SLC12A8: variants seen among roughly 807,000 people sequenced by gnomAD.
The protein encoded by SLC12A8 is cation-chloride cotransporter 9.
SLC12A8 carries 69 observed loss-of-function variants against 75.6 expected under a neutral mutation model. The observed-to-expected ratio is 0.91, with a 90% CI of 0.75 to 1.11. SLC12A8 has a LOEUF of 1.11. SLC12A8 is among the 50% of genes most tolerant of loss of function. The probability of loss-of-function intolerance (pLI) is 0.00; values close to 1 mark genes in which losing one functional copy is unlikely to be tolerated. For synonymous variants in SLC12A8, 365 were observed against 372.8 expected (o/e 0.98, Z 0.24); for missense variants, 877 against 896.7 (o/e 0.98, Z 0.28).
intron 10 of SLC12A8, among the ~76,000 whole-genome samples, chr3:125,100,446 T>C (rs1049455858): frequency 6.6e-6 from 1 of 151,740 alleles, no homozygotes; most frequent in African/African-American, 2.4e-5. Context: ...TCACTCTTAT[T>C]GCCCAGGCTG....
chr3:125,121,552 A>G (rs908734163), intron 6 of SLC12A8, among the ~76,000 whole-genome samples: 10 of 152,206 alleles, frequency 6.6e-5, no homozygotes, highest in Non-Finnish European at 1.2e-4. Flanking sequence ...ACACTTTCAA[A>G]CTGCCTGGGC....
chr3:125,102,616 G>A (rs1193460818), intron 10 of SLC12A8, among the ~76,000 whole-genome samples: 2 of 152,106 alleles, frequency 1.3e-5, no homozygotes, highest in African/African-American at 2.4e-5. Context: ...AAGGCAGCAG[G>A]GAGTGGGAGA....
At chr3:125,146,191 A>G (rs531104523) in intron 5 of SLC12A8, among the ~76,000 whole-genome samples, 7 of 152,258 alleles carry the variant, frequency 4.6e-5, no homozygotes, top group Non-Finnish European at 8.8e-5. Context: ...GACCGTGGAT[A>G]GCTGCAACTG....
chr3:125,123,046 C>A (rs1227219769), intron 6 of SLC12A8, among the ~76,000 whole-genome samples: 6 of 152,280 alleles, frequency 3.9e-5, no homozygotes, highest in Admixed American at 2.6e-4. Flanking sequence ...GTGGTTCATG[C>A]CTGTAATCCC....
intron 3 of SLC12A8, 67 bp downstream of exon 3, chr3:125,190,308 G>T: frequency 1.3e-6 from 2 of 1,567,076 alleles, no homozygotes; most frequent in Non-Finnish European, 1.7e-6. Context: ...ACTGTAGAAT[G>T]CAAGAGTGGC....
chr3:125,120,561 C>A, intron 7 of SLC12A8, 38 bp downstream of exon 7: 2 of 1,501,268 alleles, frequency 1.3e-6, no homozygotes, highest in Non-Finnish European at 1.8e-6. Context: ...TTCTCTCCCA[C>A]TCTCTAGCTC....
intron 2 of SLC12A8, among the ~76,000 whole-genome samples, chr3:125,194,723 G>A (rs1934973198): frequency 1.3e-5 from 2 of 152,252 alleles, no homozygotes; most frequent in East Asian, 3.8e-4. Context: ...GGTCAGGGGT[G>A]TAGGTGGAAG....
At chr3:125,105,174 A>G (rs1027431336) in intron 10 of SLC12A8, among the ~76,000 whole-genome samples, 2 of 151,280 alleles carry the variant, frequency 1.3e-5, no homozygotes, top group African/African-American at 2.4e-5. Context: ...AAGAAAGAAG[A>G]TTAGAGAACC....
rs184360163 is a variant in SLC12A8, at chr3:125,192,014, A to G, written c.52-1493T>C. Among the ~76,000 whole-genome samples the G allele has an allele frequency of 1.3e-3, 191 of 152,320 alleles. 1 individual carries two copies. The Middle Eastern group carries it at 0.024, about 19-fold the overall frequency. ...TGCCAATCTAGGCTTGTCCTTGAGCAAATGGTACCAAAGGACCTGTCTGGG... is the reference window on the plus strand; with the variant it reads ...TGCCAATCTAGGCTTGTCCTTGAGCGAATGGTACCAAAGGACCTGTCTGGG... On this transcript the variant is annotated intron_variant, in intron 2 of 13. Coordinates refer to ENST00000469902, the MANE Select transcript of SLC12A8 (RefSeq NM_024628.6).
At chr3:125,169,963 A>T (rs2107783322) in intron 5 of SLC12A8, among the ~76,000 whole-genome samples, 2 of 146,882 alleles carry the variant, frequency 1.4e-5, no homozygotes, top group Middle Eastern at 3.5e-3. Context: ...TGGAAAAGAA[A>T]ATAGGGAAAA....
chr3:125,178,204 A>T (rs1194330407), intron 4 of SLC12A8, among the ~76,000 whole-genome samples: 2 of 152,144 alleles, frequency 1.3e-5, no homozygotes, highest in Non-Finnish European at 2.9e-5. Flanking sequence ...GAGGAACCCA[A>T]GCTGAGAGCT....
chr3:125,092,264 A>G, intron 10 of SLC12A8, 66 bp from the exon 11 acceptor site: 2 of 1,121,842 alleles, frequency 1.8e-6, no homozygotes, highest in Non-Finnish European at 2.7e-6. Flanking sequence ...TTAGGAAAAT[A>G]TACCTATGAG....
In SLC12A8 at chr3:125,139,140, C is replaced by T. The variant is rs573004367; in HGVS notation, c.623-3358G>A. The stretch of plus-strand genomic sequence containing the variant: ...TGTATGAAGAGCTTTTCTTTCTTTC[C>T]GTTTGTACTCTGTTTCCCAAAATGA... On this transcript the variant is annotated intron_variant, in intron 5 of 13. Coordinates refer to ENST00000469902, the MANE Select transcript of SLC12A8 (RefSeq NM_024628.6). 4.9e-4 allele frequency among the ~76,000 whole-genome samples: 74 copies of T among 152,196 alleles called. No homozygotes were observed. In the South Asian group the frequency reaches 9.3e-3, roughly 19 times the overall value.
Position 125,107,920 on chromosome 3 carries a change from CT to C in SLC12A8, c.1265del (p.Glu422GlyfsTer14), listed in dbSNP as rs1166413849. The part of the protein sequence containing the change: ...LTPVPEPVLR[E>X]GAEGLHCSEH... ...CAGAGCAGTGGAGGCCTTCTGCGCC[CT>C]CCCTGAGCACCGGCTCAGGCACCGG... On this transcript the variant is annotated frameshift_variant, in exon 10 of 14. Coordinates refer to ENST00000469902, the MANE Select transcript of SLC12A8 (RefSeq NM_024628.6). LOFTEE classifies it high-confidence loss of function. The C allele has an allele frequency of 1.9e-6, 3 of 1,614,188 alleles. No individual in the cohort carries two copies. Among genetic ancestry groups the C allele is most frequent in the South Asian group, 2.2e-5 (2 of 91,076 alleles).
chr3:125,101,105 A>T (rs1938864014), intron 10 of SLC12A8, among the ~76,000 whole-genome samples: 1 of 151,956 alleles, frequency 6.6e-6, no homozygotes, highest in Admixed American at 6.6e-5. Context: ...TACCCATTGC[A>T]AGTGTTGGCA....
Position 125,107,984 on chromosome 3 carries a change from G to C in SLC12A8, c.1202C>G (p.Ser401Cys), listed in dbSNP as rs1450254775. ...FMLTYVAVDYSYFSLSMCSCS... is the reference protein window; with the variant it reads ...FMLTYVAVDYCYFSLSMCSCS... ...GGAACACATGGACAGGGAGAAGTAA[G>C]AGTAGTCCACTGCAACGTATGTCAG... Residue 401 changes from serine to cysteine, a missense_variant, in exon 10 of 14, where the codon TCT (serine) becomes TGT (cysteine). Coordinates refer to ENST00000469902, the MANE Select transcript of SLC12A8 (RefSeq NM_024628.6). 5 of 1,614,202 alleles carry C rather than the reference G, an allele frequency of 3.1e-6. No individual in the cohort carries two copies. Among genetic ancestry groups the C allele is most frequent in the Admixed American group, 3.3e-5 (2 of 60,014 alleles).
chr3:125,083,583 G>C lies in SLC12A8; in HGVS notation c.*307C>G, dbSNP rs922829264. The C allele has an allele frequency of 4.4e-6, 1 of 226,650 alleles. No homozygotes were observed. Among genetic ancestry groups the C allele is most frequent in the Non-Finnish European group, 8.8e-6 (1 of 113,906 alleles). 14.0% of individuals were successfully genotyped at this position (226,650 alleles called of 1,614,324 possible). A position where few individuals can be genotyped will look rare whatever the true frequency, so the allele number is the denominator to read the frequency against. On this transcript the variant is annotated 3_prime_UTR_variant, in exon 14 of 14. Coordinates refer to ENST00000469902, the MANE Select transcript of SLC12A8 (RefSeq NM_024628.6). ...GTAAAAATACAAAAAATAGCTGGGT[G>C]TGGTGGTGCATGCCTATAATCCCAG...
chr3:125,146,438 G>A (rs1340563296), intron 5 of SLC12A8, among the ~76,000 whole-genome samples: 1 of 152,120 alleles, frequency 6.6e-6, no homozygotes, highest in South Asian at 2.1e-4. Context: ...GTGTGCTATG[G>A]ATATTTTACC....
chr3:125,190,850 C>T lies in SLC12A8; in HGVS notation c.52-329G>A, dbSNP rs1339774993. Among the ~76,000 whole-genome samples, 6 of 152,208 alleles carry T rather than the reference C, an allele frequency of 3.9e-5. No individual in the cohort carries two copies. In the East Asian group the frequency reaches 5.8e-4, roughly 15 times the overall value. ...AAGTAGTCAGGGAGTCAGGTAGACT[C>T]CCAGCCTCTTTGCAGCTAGAAGTGG... On this transcript the variant is annotated intron_variant, in intron 2 of 13. Coordinates refer to ENST00000469902, the MANE Select transcript of SLC12A8 (RefSeq NM_024628.6).
Sources: gnomAD v4.1 joint callset for allele counts (sites outside exome capture counted in the v4.1 genomes callset) on GRCh38, gnomAD v4.1.1 for gene constraint, MANE v1.5 for transcripts, NCBI Gene and HGNC (gene_info 2026-07-23, HGNC 2026-07-21) for gene names.